The following IGSF11 variants were observed in gnomAD, a reference collection of about 807,000 sequenced individuals.
IGSF11 encodes the protein CXADR like 1.
Under a neutral mutation model 41.0 loss-of-function variants are expected in IGSF11, and 22 were observed. The observed-to-expected ratio is 0.54, with a 90% CI of 0.38 to 0.77. IGSF11 has a LOEUF of 0.77. Ranked by LOEUF, IGSF11 falls within the 30% of genes least tolerant of loss-of-function variation. The pLI is 0.00. For missense variants in IGSF11, 444 were observed against 530.8 expected, an observed-to-expected ratio of 0.84 and a Z score of 1.61; for synonymous variants, 219 against 201.3, an observed-to-expected ratio of 1.09 and a Z score of -0.74.
At chr3:118,931,278 T>C (rs1942828254) in intron 1 of IGSF11, among the ~76,000 whole-genome samples, 1 of 152,152 alleles carries the variant, frequency 6.6e-6, no homozygotes, top group African/African-American at 2.4e-5. Flanking sequence ...AACATACAAG[T>C]AGTCAGCAAT....
At chr3:118,957,073 C>T (rs1260420026) in intron 1 of IGSF11, among the ~76,000 whole-genome samples, 2 of 151,988 alleles carry the variant, frequency 1.3e-5, no homozygotes, top group African/African-American at 2.4e-5. Context: ...GTAACTCAGT[C>T]CAAATCTGAG....
chr3:118,992,350 A>C (rs935160438), intron 1 of IGSF11, among the ~76,000 whole-genome samples: 8 of 152,230 alleles, frequency 5.3e-5, no homozygotes, highest in African/African-American at 1.9e-4. Flanking sequence ...TCCCTTTGTA[A>C]ATTTCTTATT....
chr3:119,051,279 G>T (rs1169816820), intron 1 of IGSF11, among the ~76,000 whole-genome samples: 1 of 151,644 alleles, frequency 6.6e-6, no homozygotes, highest in Non-Finnish European at 1.5e-5. Context: ...GGTAGAAAAA[G>T]ATATTCCATG....
At chr3:119,134,699 T>C (rs763931682) in intron 1 of IGSF11, among the ~76,000 whole-genome samples, 3 of 152,054 alleles carry the variant, frequency 2.0e-5, no homozygotes, top group Non-Finnish European at 4.4e-5. Context: ...CTTCACAGAA[T>C]TGGAAAAAAC....
intron 1 of IGSF11, among the ~76,000 whole-genome samples, chr3:119,017,785 T>C (rs1028836662): frequency 2.7e-5 from 4 of 146,022 alleles, no homozygotes; most frequent in Non-Finnish European, 6.1e-5. Context: ...ACTTTTTTTT[T>C]TTTTTTTTTT....
At chr3:119,002,649 A>G (rs1254838739) in intron 1 of IGSF11, among the ~76,000 whole-genome samples, 2 of 140,936 alleles carry the variant, frequency 1.4e-5, no homozygotes, top group African/African-American at 2.8e-5. Context: ...TGATTTTTCT[A>G]TAAGGTGTAA....
intron 1 of IGSF11, among the ~76,000 whole-genome samples, chr3:119,072,151 G>A (rs75329687): frequency 0.03 from 4,629 of 152,178 alleles, 217 homozygotes; most frequent in African/African-American, 0.11. Flanking sequence ...CTTTGTTTCC[G>A]TACAGTAAGT....
intron 1 of IGSF11, among the ~76,000 whole-genome samples, chr3:119,092,689 G>A (rs185552639): frequency 1.4e-4 from 21 of 152,172 alleles, no homozygotes; most frequent in Admixed American, 7.9e-4. Flanking sequence ...CTTCACTTTC[G>A]CTCACTACTG....
chr3:119,055,800 A>C (rs1180993383), intron 1 of IGSF11, among the ~76,000 whole-genome samples: 1 of 152,236 alleles, frequency 6.6e-6, no homozygotes, highest in East Asian at 1.9e-4. Context: ...TCAAACTAGA[A>C]CTCAGGATTA....
intron 1 of IGSF11, among the ~76,000 whole-genome samples, chr3:119,019,645 T>C (rs1451580466): frequency 2.0e-5 from 3 of 152,050 alleles, no homozygotes. Context: ...CCACACCAAG[T>C]TCTCTGGTTT....
At chr3:118,982,694 T>A (rs981790678) in intron 1 of IGSF11, among the ~76,000 whole-genome samples, 1 of 152,204 alleles carries the variant, frequency 6.6e-6, no homozygotes, top group African/African-American at 2.4e-5. Context: ...GGAGGATATC[T>A]TAATGAATAC....
chr3:119,032,062 C>T (rs1940452268), intron 1 of IGSF11, among the ~76,000 whole-genome samples: 4 of 152,108 alleles, frequency 2.6e-5, no homozygotes, highest in Admixed American at 2.6e-4. Context: ...CAAATAAAAA[C>T]AAAATAACAA....
intron 1 of IGSF11, among the ~76,000 whole-genome samples, chr3:119,142,527 T>C (rs1049574096): frequency 1.3e-5 from 2 of 151,980 alleles, no homozygotes; most frequent in African/African-American, 4.8e-5. Context: ...TAGGGGAAGA[T>C]AGGTCAATTG....
intron 1 of IGSF11, among the ~76,000 whole-genome samples, chr3:118,984,144 A>T (rs1169494498): frequency 6.6e-6 from 1 of 151,636 alleles, no homozygotes; most frequent in East Asian, 1.9e-4. Context: ...TCTTATAGCC[A>T]GATTCAGGCT....
chr3:119,092,096 C>T (rs925429404), intron 1 of IGSF11, among the ~76,000 whole-genome samples: 3 of 151,704 alleles, frequency 2.0e-5, no homozygotes, highest in Admixed American at 2.0e-4. Flanking sequence ...ACTGAAACCT[C>T]CGCCTCCTGG....
At chr3:118,973,232 C>T (rs542001068) in intron 1 of IGSF11, among the ~76,000 whole-genome samples, 1 of 152,162 alleles carries the variant, frequency 6.6e-6, no homozygotes. Flanking sequence ...AGTGGCTTGG[C>T]ACACATAAAT....
At chr3:119,041,398 A>G (rs900990260) in intron 1 of IGSF11, among the ~76,000 whole-genome samples, 1 of 152,186 alleles carries the variant, frequency 6.6e-6, no homozygotes, top group Non-Finnish European at 1.5e-5. Context: ...CCTGGCCAAC[A>G]TGGTGAAACC....
intron 1 of IGSF11, chr3:118,947,470 A>C (rs1046946343): frequency 2.6e-5 from 4 of 152,222 alleles, no homozygotes; most frequent in African/African-American, 9.6e-5. Flanking sequence ...CAGAAGTAAA[A>C]CTAAATAAAT....
chr3:118,959,123 C>T (rs1321599639), intron 1 of IGSF11, among the ~76,000 whole-genome samples: 3 of 152,104 alleles, frequency 2.0e-5, no homozygotes, highest in African/African-American at 7.2e-5. Context: ...TTTAGAGGTG[C>T]CATACGGATT....
Sources: gnomAD v4.1 joint callset for allele counts (sites outside exome capture counted in the v4.1 genomes callset) on GRCh38, gnomAD v4.1.1 for gene constraint, MANE v1.5 for transcripts, NCBI Gene and HGNC (gene_info 2026-07-23, HGNC 2026-07-21) for gene names.